Variants in HERC1 observed in about 807,000 individuals in gnomAD.
The protein encoded by HERC1 is probable E3 ubiquitin-protein ligase HERC1.
Under a neutral mutation model 554.3 loss-of-function variants are expected in HERC1, and 160 were observed. The ratio of observed to expected loss-of-function variants is 0.29; its 90% confidence interval spans 0.25 to 0.33. The LOEUF (loss-of-function observed/expected upper bound fraction) is 0.33, where lower values mean the gene tolerates loss of function less well. Ranked by LOEUF, HERC1 falls within the 10% of genes least tolerant of loss-of-function variation. The pLI, the probability that HERC1 is intolerant of heterozygous loss-of-function variation, is 1.00. For missense variants in HERC1, 4,919 were observed against 5,918.5 expected (o/e 0.83, Z 5.54); for synonymous variants, 2,175 against 2,131.7 (o/e 1.02, Z -0.56).
At chr15:63,663,333 A>G (rs1199415777) in intron 43 of HERC1, 129 bp from the exon 44 acceptor site, 1 of 741,814 alleles carries the variant, frequency 1.3e-6, no homozygotes, top group South Asian at 1.7e-5. Flanking sequence ...TCAGACCATA[A>G]AACATCAAAT....
chr15:63,747,673 C>T, intron 11 of HERC1, 51 bp downstream of exon 11: 2 of 1,082,128 alleles, frequency 1.8e-6, no homozygotes, highest in East Asian at 5.2e-5. Flanking sequence ...CACATGCACA[C>T]ACGCGCGCGC....
At chr15:63,798,102 G>C (rs904441945) in intron 1 of HERC1, among the ~76,000 whole-genome samples, 2 of 152,152 alleles carry the variant, frequency 1.3e-5, no homozygotes, top group African/African-American at 4.8e-5. Context: ...ACTTATTTTA[G>C]AGAAGTGTGA....
At chr15:63,732,456 A>C (rs1475954724) in intron 14 of HERC1, among the ~76,000 whole-genome samples, 2 of 152,226 alleles carry the variant, frequency 1.3e-5, no homozygotes, top group African/African-American at 4.8e-5. Flanking sequence ...GATCTGGCTT[A>C]GAACTCAAAG....
chr15:63,728,814 G>C (rs1184676067), intron 16 of HERC1, among the ~76,000 whole-genome samples: 3 of 151,680 alleles, frequency 2.0e-5, no homozygotes, highest in African/African-American at 7.2e-5. Flanking sequence ...CACTGAAAAA[G>C]AAGAGTCAGA....
intron 60 of HERC1, among the ~76,000 whole-genome samples, 177 bp from the exon 61 acceptor site, chr15:63,640,622 A>G (rs1595875938): frequency 6.6e-6 from 1 of 152,224 alleles, no homozygotes; most frequent in Admixed American, 6.5e-5. Flanking sequence ...GGATTTCTGT[A>G]TACCCTTCGC....
chr15:63,793,267 T>G (rs557065248), intron 1 of HERC1, among the ~76,000 whole-genome samples: 21 of 152,214 alleles, frequency 1.4e-4, no homozygotes, highest in Non-Finnish European at 2.6e-4. Context: ...AAGACACAGG[T>G]CGTAAAGACC....
At chr15:63,705,336 C>T (rs62012360) in intron 25 of HERC1, among the ~76,000 whole-genome samples, 46,329 of 151,240 alleles carry the variant, frequency 0.31, 7,541 homozygotes, top group Middle Eastern at 0.41. Context: ...TTCTTTTTGG[C>T]AGAGACAGGG....
intron 74 of HERC1, among the ~76,000 whole-genome samples, chr15:63,618,040 T>C (rs898648681): frequency 1.3e-5 from 2 of 152,150 alleles, no homozygotes; most frequent in African/African-American, 4.8e-5. Flanking sequence ...TTGGCTTTTG[T>C]TGCCATTGCT....
intron 51 of HERC1, among the ~76,000 whole-genome samples, chr15:63,652,973 C>T (rs1282476029): frequency 6.6e-6 from 1 of 152,090 alleles, no homozygotes; most frequent in Non-Finnish European, 1.5e-5. Flanking sequence ...AAATGGCTTG[C>T]AAATATATTT....
At chr15:63,773,352 G>T (rs886176714) in intron 2 of HERC1, among the ~76,000 whole-genome samples, 1 of 149,384 alleles carries the variant, frequency 6.7e-6, no homozygotes. Context: ...GCTGAGGCAG[G>T]AGAATCGCTT....
intron 66 of HERC1, among the ~76,000 whole-genome samples, 159 bp downstream of exon 66, chr15:63,634,574 C>T (rs1026652988): frequency 2.6e-5 from 4 of 152,156 alleles, no homozygotes; most frequent in African/African-American, 9.7e-5. Flanking sequence ...ATATGAATTT[C>T]ACATTGGGAA....
chr15:63,698,678 C>A, intron 26 of HERC1, 50 bp downstream of exon 26: 2 of 1,539,420 alleles, frequency 1.3e-6, no homozygotes, highest in South Asian at 1.2e-5. Context: ...TTCAATGGTT[C>A]AGTTTTAAGT....
At chr15:63,631,674 G>A (rs2068563679) in intron 68 of HERC1, among the ~76,000 whole-genome samples, 2 of 152,266 alleles carry the variant, frequency 1.3e-5, no homozygotes, top group Admixed American at 6.5e-5. Context: ...CCGAGTAGCT[G>A]GGATTACAGG....
At chr15:63,632,500 A>G in intron 68 of HERC1, 1 of 638,876 alleles carries the variant, frequency 1.6e-6, no homozygotes, top group South Asian at 1.6e-5. Flanking sequence ...TGGCTCTGGC[A>G]TAAGGGGTCT....
intron 2 of HERC1, among the ~76,000 whole-genome samples, chr15:63,771,519 C>T (rs1240955533): frequency 6.6e-6 from 1 of 151,856 alleles, no homozygotes; most frequent in East Asian, 1.9e-4. Flanking sequence ...CAACCTCCAC[C>T]TCCCAGGTTC....
intron 55 of HERC1, among the ~76,000 whole-genome samples, chr15:63,646,833 AAC>A (rs200434599): frequency 4.7e-5 from 5 of 107,418 alleles, no homozygotes; most frequent in Non-Finnish European, 8.9e-5. Context: ...AACAAACAAA[AAC>A]AAAAACAAAA....
chr15:63,791,037 C>T (rs940066611), intron 1 of HERC1, among the ~76,000 whole-genome samples: 5 of 152,080 alleles, frequency 3.3e-5, no homozygotes, highest in African/African-American at 4.8e-5. Context: ...GTATCTATCA[C>T]GCTTCTAACT....
chr15:63,784,791 A>G lies in HERC1; in HGVS notation c.-26-9142T>C, dbSNP rs1250685864. On this transcript the variant is annotated intron_variant, in intron 1 of 77. Transcript: ENST00000443617. The stretch of plus-strand genomic sequence containing the variant: ...TCCAGCTAATTTTTTTTGTATTTTC[A>G]GTACAGTTGGGGTTTCACTGTGTTG... Among the ~76,000 whole-genome samples the G allele has an allele frequency of 4.6e-5, 7 of 152,048 alleles. No homozygotes were observed. The East Asian group carries it at 5.8e-4, about 13-fold the overall frequency.
At chr15:63,800,163 G>A (rs2076934060) in intron 1 of HERC1, among the ~76,000 whole-genome samples, 1 of 151,738 alleles carries the variant, frequency 6.6e-6, no homozygotes, top group Non-Finnish European at 1.5e-5. Context: ...AAGAAACTGG[G>A]GTATGGGGAA....
Sources: allele counts gnomAD v4.1 joint callset (sites outside exome capture counted in the v4.1 genomes callset), GRCh38; gene constraint gnomAD v4.1.1; transcripts MANE v1.5; gene names NCBI Gene and HGNC (gene_info 2026-07-23, HGNC 2026-07-21).